NDUFS3: variants seen among roughly 807,000 people sequenced by gnomAD.
The protein encoded by NDUFS3 is NADH dehydrogenase [ubiquinone] iron-sulfur protein 3, mitochondrial.
A neutral mutation model predicts 30.8 loss-of-function variants in NDUFS3; 19 were observed. That is an observed-to-expected ratio of 0.62 (90% CI 0.43 to 0.91). The LOEUF (loss-of-function observed/expected upper bound fraction) is 0.91, where lower values mean the gene tolerates loss of function less well. Ranked by LOEUF, NDUFS3 falls within the 40% of genes least tolerant of loss-of-function variation. The pLI, the probability that NDUFS3 is intolerant of heterozygous loss-of-function variation, is 0.00. For missense variants in NDUFS3, 331 were observed against 342.0 expected (o/e 0.97, Z 0.25); for synonymous variants, 153 against 135.8 (o/e 1.13, Z -0.88).
intron 3 of NDUFS3, 45 bp from the exon 4 acceptor site, chr11:47,580,790 C>T (rs755422690): frequency 1.2e-6 from 2 of 1,613,404 alleles, no homozygotes; most frequent in Non-Finnish European, 1.7e-6. Flanking sequence ...TAGCTGTTCC[C>T]TCAGTAGCTC....
At chr11:47,584,275 G>A in intron 6 of NDUFS3, 39 bp from the exon 7 acceptor site, 1 of 1,613,292 alleles carries the variant, frequency 6.2e-7, no homozygotes, top group Non-Finnish European at 8.5e-7. Flanking sequence ...CTATAATAAG[G>A]ACTTCCTTAG....
intron 2 of NDUFS3, among the ~76,000 whole-genome samples, chr11:47,580,222 A>G (rs1162475767): frequency 1.3e-5 from 2 of 152,240 alleles, no homozygotes; most frequent in African/African-American, 2.4e-5. Flanking sequence ...AGGAGAACTG[A>G]GACTACTGCT....
intron 2 of NDUFS3, 65 bp from the exon 3 acceptor site, chr11:47,580,460 A>T: frequency 6.9e-7 from 1 of 1,458,778 alleles, no homozygotes; most frequent in Non-Finnish European, 9.6e-7. Context: ...CAAGCCTAAG[A>T]GACTGCATGC....
Position 47,579,150 on chromosome 11 carries a change from T to C in NDUFS3, c.59T>C (p.Leu20Pro). 1 of 1,607,888 alleles carries C rather than the reference T, an allele frequency of 6.2e-7. No individual in the cohort carries two copies. Among genetic ancestry groups the C allele is most frequent in the Non-Finnish European group, 8.5e-7 (1 of 1,177,848 alleles). ...WWRGILGASA[L>P]TRGTGRPSVL... Reference sequence around the variant, plus strand: ...CGCGGGATCTTGGGGGCCTCGGCGCTGACCAGGGGTGAGCACGGGCAGCCA... The same window carrying C: ...CGCGGGATCTTGGGGGCCTCGGCGCCGACCAGGGGTGAGCACGGGCAGCCA... The change falls in exon 1 of 7, where the codon CTG becomes CCG. Residue 20 changes from leucine (L) to proline (P), a missense_variant. By Grantham distance (98) the Leu-to-Pro change is moderately conservative. Coordinates refer to ENST00000263774, the MANE Select transcript of NDUFS3 (RefSeq NM_004551.3).
In NDUFS3 at chr11:47,580,914, C is replaced by G. The variant is rs2097268494; in HGVS notation, c.311C>G (p.Thr104Ser). 1 of 1,614,100 alleles carries G rather than the reference C, an allele frequency of 6.2e-7. No homozygotes were observed. Among genetic ancestry groups the G allele is most frequent in the South Asian group, 1.1e-5 (1 of 91,094 alleles). Residue 104 changes from threonine (T) to serine (S), a missense_variant, in exon 4 of 7, where the codon ACC (threonine) becomes AGC (serine). Physicochemically the swap from Thr to Ser is moderately conservative, Grantham distance 58. Coordinates refer to ENST00000263774, the MANE Select transcript of NDUFS3 (RefSeq NM_004551.3). ...IPVLTFLRDH[T>S]NAQFKSLVDL... is the part of the protein sequence containing the mutation. ...GTGCTGACTTTCCTCAGGGATCACA[C>G]CAATGCACAGTTCAAATCTCTGGTT...
intron 6 of NDUFS3, among the ~76,000 whole-genome samples, chr11:47,583,895 A>C (rs1158940351): frequency 6.6e-6 from 1 of 152,212 alleles, no homozygotes; most frequent in Non-Finnish European, 1.5e-5. Context: ...TGGACTGTGA[A>C]TATGCCAAGG....
rs2233355 is a variant in NDUFS3, at chr11:47,580,497, C to T, written c.134-28C>T. On this transcript the variant is annotated intron_variant, in intron 2 of 6. Transcript: ENST00000263774. ...GGGCTGGCTTTTGCCTTCTCCATTTCTTTTTTAAATATGCCTTTTCCTTCC... is the reference window on the plus strand; with the variant it reads ...GGGCTGGCTTTTGCCTTCTCCATTTTTTTTTTAAATATGCCTTTTCCTTCC... The T allele has an allele frequency of 5.6e-4, 901 of 1,611,864 alleles. 3 individuals are homozygous for T. In the African/African-American group the frequency reaches 7.0e-3, roughly 13 times the overall value.
chr11:47,579,117 T>C lies in NDUFS3; in HGVS notation c.26T>C (p.Leu9Pro). 1 of 1,588,376 alleles carries C rather than the reference T, an allele frequency of 6.3e-7. No individual in the cohort carries two copies. Among genetic ancestry groups the C allele is most frequent in the Non-Finnish European group, 8.6e-7 (1 of 1,169,090 alleles). Residue 9 changes from leucine (L) to proline (P), a missense_variant, in exon 1 of 7, where the codon CTG becomes CCG. Physicochemically the swap from Leu to Pro is moderately conservative, Grantham distance 98. Transcript: ENST00000263774. ...ATGGCGGCGGCGGCGGTAGCCAGGCTGTGGTGGCGCGGGATCTTGGGGGCC... is the reference window on the plus strand; with the variant it reads ...ATGGCGGCGGCGGCGGTAGCCAGGCCGTGGTGGCGCGGGATCTTGGGGGCC... The part of the protein sequence containing the change: MAAAAVAR[L>P]WWRGILGASA...
chr11:47,579,984 G>GACACACACACACACACACACAC (rs36201718), intron 2 of NDUFS3, among the ~76,000 whole-genome samples: 1 of 139,306 alleles, frequency 7.2e-6, no homozygotes, highest in African/African-American at 2.7e-5. Context: ...TTTTCTCATT[G>GACACACACACACACACACACAC]ACACACACAC....
chr11:47,581,893 A>G, intron 4 of NDUFS3, 195 bp from the exon 5 acceptor site: 1 of 701,636 alleles, frequency 1.4e-6, no homozygotes, highest in Non-Finnish European at 2.5e-6. Flanking sequence ...TATTCCTGAC[A>G]AAGTGAATAG....
intron 6 of NDUFS3, 71 bp downstream of exon 6, chr11:47,582,539 T>C: frequency 6.2e-7 from 1 of 1,607,220 alleles, no homozygotes; most frequent in Non-Finnish European, 8.5e-7. Context: ...TCCCTGGGAA[T>C]GGCAAGAAAT....
chr11:47,584,529 A>G lies in NDUFS3; in HGVS notation c.*48A>G. ...CTAGACAGCGCCTTATCTATGATTGAGTGTCCGTGTAAATAAATTCCTACT... is the reference window on the plus strand; with the variant it reads ...CTAGACAGCGCCTTATCTATGATTGGGTGTCCGTGTAAATAAATTCCTACT... On this transcript the variant is annotated 3_prime_UTR_variant, in exon 7 of 7. Transcript: ENST00000263774. 1 of 1,602,350 alleles carries G rather than the reference A, an allele frequency of 6.2e-7. No homozygotes were observed. Among genetic ancestry groups the G allele is most frequent in the Non-Finnish European group, 8.5e-7 (1 of 1,170,718 alleles).
chr11:47,580,028 CACCT>C (rs2097267490), intron 2 of NDUFS3, among the ~76,000 whole-genome samples: 1 of 131,144 alleles, frequency 7.6e-6, no homozygotes. Flanking sequence ...CACACACACA[CACCT>C]GGGCCTCAGT....
Position 47,582,475 on chromosome 11 carries a change from G to A in NDUFS3, c.627+7G>A. ...TCTATCTGGCTATGTTGAGGTAGGA[G>A]CCTTGGAACTGGGACAGCAGCCTCA... On this transcript the variant is annotated splice_region_variant and intron_variant, in intron 6 of 6. Coordinates refer to ENST00000263774, the MANE Select transcript of NDUFS3 (RefSeq NM_004551.3). 6.2e-7 allele frequency: 1 copy of A among 1,614,168 alleles called. No individual in the cohort carries two copies.
chr11:47,579,338 A>G lies in NDUFS3; in HGVS notation c.133+4A>G. 6.2e-7 allele frequency: 1 copy of G among 1,613,116 alleles called. No homozygotes were observed. The highest frequency in any genetic ancestry group is 1.1e-5 in the South Asian group (1 of 91,072). On this transcript the variant is annotated splice_donor_region_variant and intron_variant, in intron 2 of 6. Coordinates refer to ENST00000263774, the MANE Select transcript of NDUFS3 (RefSeq NM_004551.3). Reference sequence around the variant, plus strand: ...AGCGCCGGGGCCGACACGCGCCGTGAGTATGTGCGGGCAGCGCTCTTCTCT... The same window carrying G: ...AGCGCCGGGGCCGACACGCGCCGTGGGTATGTGCGGGCAGCGCTCTTCTCT...
At chr11:47,581,390 C>T (rs1003809083) in intron 4 of NDUFS3, 3 of 275,798 alleles carry the variant, frequency 1.1e-5, no homozygotes, top group East Asian at 1.0e-4. Flanking sequence ...TTCCTGACCT[C>T]GTGATCTGCC....
At position 47,579,307 on chromosome 11, in the gene NDUFS3, C is replaced by A; in HGVS notation, c.106C>A (p.Arg36=). Residue 36 remains arginine (R), a synonymous_variant, in exon 2 of 7, where the codon CGG becomes AGG. Coordinates refer to ENST00000263774, the MANE Select transcript of NDUFS3 (RefSeq NM_004551.3). The part of the protein sequence containing the change: ...RPSVLLLPVR[R]ESAGADTRPT... The stretch of plus-strand genomic sequence containing the variant: ...CTCCGTTCTGTTGCTGCCGGTGAGG[C>A]GGGAGAGCGCCGGGGCCGACACGCG... 1 of 1,614,104 alleles carries A rather than the reference C, an allele frequency of 6.2e-7. No individual in the cohort carries two copies. The highest frequency in any genetic ancestry group is 8.5e-7 in the Non-Finnish European group (1 of 1,180,036).
In NDUFS3 at chr11:47,584,493, G is replaced by A. The variant is rs763583155; in HGVS notation, c.*12G>A. 6.2e-6 allele frequency: 10 copies of A among 1,613,668 alleles called. No individual in the cohort carries two copies. Among genetic ancestry groups the A allele is most frequent in the South Asian group, 5.5e-5 (5 of 91,068 alleles). On this transcript the variant is annotated 3_prime_UTR_variant, in exon 7 of 7. Coordinates refer to ENST00000263774, the MANE Select transcript of NDUFS3 (RefSeq NM_004551.3). ...CTGATGCCAAGTAGCTCCAGGGAACGCATGTGGATCCTAGACAGCGCCTTA... is the reference window on the plus strand; with the variant it reads ...CTGATGCCAAGTAGCTCCAGGGAACACATGTGGATCCTAGACAGCGCCTTA...
At position 47,584,534 on chromosome 11, in the gene NDUFS3, C is replaced by T; in HGVS notation, c.*53C>T. 6.3e-7 allele frequency: 1 copy of T among 1,599,100 alleles called. No individual in the cohort carries two copies. Among genetic ancestry groups the T allele is most frequent in the Non-Finnish European group, 8.6e-7 (1 of 1,168,316 alleles). On this transcript the variant is annotated 3_prime_UTR_variant, in exon 7 of 7. Transcript: ENST00000263774. ...CAGCGCCTTATCTATGATTGAGTGT[C>T]CGTGTAAATAAATTCCTACTTAGAC...
Sources: allele counts gnomAD v4.1 joint callset (sites outside exome capture counted in the v4.1 genomes callset), GRCh38; gene constraint gnomAD v4.1.1; transcripts MANE v1.5; gene names NCBI Gene and HGNC (gene_info 2026-07-23, HGNC 2026-07-21).